The following ADGRL2 variants were observed in gnomAD, a reference collection of about 807,000 sequenced individuals.
The protein encoded by ADGRL2 is adhesion G protein-coupled receptor L2, also known as calcium-independent alpha-latrotoxin receptor 2.
ADGRL2 carries 44 observed loss-of-function variants against 157.4 expected under a neutral mutation model. The observed-to-expected ratio is 0.28, with a 90% CI of 0.22 to 0.36. The LOEUF (loss-of-function observed/expected upper bound fraction) is 0.36, where lower values mean the gene tolerates loss of function less well. Among genes scored for constraint, ADGRL2 ranks in the 10% least tolerant of loss-of-function variants. The pLI is 1.00. For synonymous variants in ADGRL2, 585 were observed against 624.7 expected (o/e 0.94, Z 0.95); for missense variants, 1,510 against 1,768.9 (o/e 0.85, Z 2.63).
chr1:81,975,440 T>C (rs1208064245), intron 17 of ADGRL2, among the ~76,000 whole-genome samples: 1 of 152,094 alleles, frequency 6.6e-6, no homozygotes, highest in Non-Finnish European at 1.5e-5. Context: ...AGTGGCTGCA[T>C]TGGAATTCAA....
Position 81,956,556 on chromosome 1 carries a change from C to T in ADGRL2, c.2017+496C>T, listed in dbSNP as rs1203633341. ...TACATCTCCCACAATGCAGAACATC[C>T]GTGCTTCATAGATTGCAGAATAGCT... is the stretch of plus-strand genomic sequence containing the variant. On this transcript the variant is annotated intron_variant, in intron 11 of 23. Coordinates refer to ENST00000686636, the MANE Select transcript of ADGRL2 (RefSeq NM_001366006.2). Among the ~76,000 whole-genome samples the T allele has an allele frequency of 1.1e-4, 16 of 152,016 alleles. 1 individual carries two copies. Among genetic ancestry groups the T allele is most frequent in the Admixed American group, 8.5e-4 (13 of 15,258 alleles).
At chr1:81,443,557 C>T (rs755405559) in intron 1 of ADGRL2, among the ~76,000 whole-genome samples, 3 of 152,136 alleles carry the variant, frequency 2.0e-5, no homozygotes, top group Non-Finnish European at 2.9e-5. Flanking sequence ...TTGAGACCCA[C>T]TTGATAGAAA....
At chr1:81,552,342 A>G (rs6698566) in intron 2 of ADGRL2, among the ~76,000 whole-genome samples, 67,780 of 151,770 alleles carry the variant, frequency 0.45, 16,288 homozygotes, top group East Asian at 0.6. Context: ...ATATATTTTC[A>G]TCTGGGATCC....
At chr1:81,315,270 A>T (rs1448222270) in intron 1 of ADGRL2, among the ~76,000 whole-genome samples, 1 of 152,108 alleles carries the variant, frequency 6.6e-6, no homozygotes, top group Non-Finnish European at 1.5e-5. Flanking sequence ...ATATCATTGG[A>T]TAAGTGGAAA....
In ADGRL2 at chr1:81,396,637, A is replaced by T. The variant is rs550555673; in HGVS notation, c.-301-48399A>T. On this transcript the variant is annotated intron_variant, in intron 1 of 24. Transcript: ENST00000370721. The stretch of plus-strand genomic sequence containing the variant: ...CAGATGTTAACTGTGGGTTTATCAT[A>T]TATGGTCTTTATCGTGTTGAGGTAC... Among the ~76,000 whole-genome samples, 4 of 152,280 alleles carry T rather than the reference A, an allele frequency of 2.6e-5. No individual in the cohort carries two copies. The East Asian group carries it at 7.7e-4, about 29-fold the overall frequency.
chr1:81,783,163 G>A (rs968949647), intron 2 of ADGRL2, among the ~76,000 whole-genome samples: 9 of 151,996 alleles, frequency 5.9e-5, no homozygotes, highest in African/African-American at 1.2e-4. Flanking sequence ...TGGCTCTGTC[G>A]CCCAGGCTGG....
At chr1:81,368,765 A>G (rs1441014285) in intron 1 of ADGRL2, among the ~76,000 whole-genome samples, 2 of 151,662 alleles carry the variant, frequency 1.3e-5, no homozygotes, top group Non-Finnish European at 2.9e-5. Context: ...CTGTCCCACT[A>G]CCTCTGTGCC....
At chr1:81,737,736 A>T (rs1466861604) in intron 1 of ADGRL2, among the ~76,000 whole-genome samples, 1 of 152,232 alleles carries the variant, frequency 6.6e-6, no homozygotes, top group Non-Finnish European at 1.5e-5. Flanking sequence ...GAATGTGCAA[A>T]TAAAAGTTGA....
intron 1 of ADGRL2, among the ~76,000 whole-genome samples, chr1:81,750,507 A>C (rs1283266308): frequency 6.6e-6 from 1 of 152,194 alleles, no homozygotes; most frequent in African/African-American, 2.4e-5. Flanking sequence ...TCACAAGGTC[A>C]GGATTTCAAG....
At chr1:81,499,182 C>G (rs899833501) in intron 2 of ADGRL2, among the ~76,000 whole-genome samples, 1 of 152,266 alleles carries the variant, frequency 6.6e-6, no homozygotes, top group African/African-American at 2.4e-5. Context: ...GAGAACATGA[C>G]ATGTATTCGA....
intron 3 of ADGRL2, among the ~76,000 whole-genome samples, chr1:81,637,429 T>A (rs946788244): frequency 1.3e-5 from 2 of 152,150 alleles, no homozygotes; most frequent in Non-Finnish European, 2.9e-5. Context: ...TTGACCTGGT[T>A]CCAAGGGCCC....
chr1:81,942,759 A>C (rs1415523876), intron 5 of ADGRL2: 2 of 608,832 alleles, frequency 3.3e-6, no homozygotes, highest in African/African-American at 3.7e-5. Flanking sequence ...GTTAGTGAAA[A>C]TAAACATAAA....
chr1:81,584,426 C>T (rs1306950324), intron 3 of ADGRL2, among the ~76,000 whole-genome samples: 1 of 152,078 alleles, frequency 6.6e-6, no homozygotes, highest in African/African-American at 2.4e-5. Flanking sequence ...AATACCATAG[C>T]CCTTTGAAAA....
intron 1 of ADGRL2, among the ~76,000 whole-genome samples, chr1:81,381,148 C>T (rs2076337473): frequency 6.6e-6 from 1 of 151,872 alleles, no homozygotes; most frequent in Non-Finnish European, 1.5e-5. Flanking sequence ...TTTGGAATCT[C>T]TTCTTTTAAT....
At chr1:81,360,842 C>G (rs1034916928) in intron 1 of ADGRL2, among the ~76,000 whole-genome samples, 2 of 151,834 alleles carry the variant, frequency 1.3e-5, no homozygotes, top group Non-Finnish European at 2.9e-5. Context: ...CTTTCTTAAG[C>G]TTGAAATAAT....
intron 3 of ADGRL2, among the ~76,000 whole-genome samples, chr1:81,630,137 A>G (rs1212489880): frequency 6.6e-6 from 1 of 152,084 alleles, no homozygotes; most frequent in African/African-American, 2.4e-5. Context: ...CAGAGCTGAG[A>G]TAGGCATTTT....
chr1:81,618,780 T>G (rs962179085), intron 3 of ADGRL2, among the ~76,000 whole-genome samples: 1 of 152,220 alleles, frequency 6.6e-6, no homozygotes, highest in Non-Finnish European at 1.5e-5. Context: ...ATTAACTGAA[T>G]AAAAATACTT....
chr1:81,440,271 C>T (rs540750929), intron 1 of ADGRL2, among the ~76,000 whole-genome samples: 49 of 152,258 alleles, frequency 3.2e-4, no homozygotes, highest in African/African-American at 9.6e-4. Context: ...GGGGTTTCAC[C>T]GGGTACCCAC....
chr1:81,427,326 G>C lies in ADGRL2; in HGVS notation c.-301-17710G>C, dbSNP rs185150989. 1.6e-3 allele frequency: 1,187 copies of C among 727,050 alleles called. 3 individuals are homozygous for C. Among genetic ancestry groups the C allele is most frequent in the Non-Finnish European group, 1.8e-3 (719 of 398,346 alleles). The allele number at this position is 727,050 out of a possible 1,614,324, so 45.0% of individuals were successfully genotyped here. A position where few individuals can be genotyped will look rare whatever the true frequency, so the allele number is the denominator to read the frequency against. On this transcript the variant is annotated intron_variant, in intron 1 of 24. Transcript: ENST00000370721. ...GGTGGCAACTATGACAGTCGTCCTG[G>C]TTATAGTAGTAGAGGGGGCTATGGT...
Sources: allele counts gnomAD v4.1 joint callset (sites outside exome capture counted in the v4.1 genomes callset), GRCh38; gene constraint gnomAD v4.1.1; transcripts MANE v1.5; gene names NCBI Gene and HGNC (gene_info 2026-07-23, HGNC 2026-07-21).